The following CNTN6 variants were observed in gnomAD, a reference collection of about 807,000 sequenced individuals.
CNTN6 encodes contactin-6.
In CNTN6, 137 loss-of-function variants were observed where a neutral mutation model predicts 122.8. That is an observed-to-expected ratio of 1.12 (90% CI 0.97 to 1.29). The LOEUF is 1.29. Among genes scored for constraint, CNTN6 ranks in the 50% most tolerant of loss-of-function variants. The pLI is 0.00. For synonymous variants in CNTN6, 570 were observed against 426.0 expected (o/e 1.34, Z -4.16); for missense variants, 1,634 against 1,223.4 (o/e 1.34, Z -5.01).
chr3:1,388,200 T>C (rs59151782), intron 20 of CNTN6, among the ~76,000 whole-genome samples: 17,555 of 142,534 alleles, frequency 0.12, 1,860 homozygotes, highest in Non-Finnish European at 0.15. Flanking sequence ...TCTCCCAGCA[T>C]GCAGCTGGAG....
At chr3:1,129,338 A>G (rs564940983) in intron 1 of CNTN6, among the ~76,000 whole-genome samples, 63 of 152,166 alleles carry the variant, frequency 4.1e-4, no homozygotes, top group African/African-American at 1.3e-3. Flanking sequence ...AAAGTATTGC[A>G]TCTGGGTAAT....
At chr3:1,218,645 G>T (rs935346194) in intron 2 of CNTN6, among the ~76,000 whole-genome samples, 3 of 152,110 alleles carry the variant, frequency 2.0e-5, no homozygotes, top group Non-Finnish European at 4.4e-5. Context: ...TGGGCACCAG[G>T]GTTCTCACAG....
chr3:1,368,268 C>T (rs955925276), intron 12 of CNTN6, among the ~76,000 whole-genome samples: 1 of 152,138 alleles, frequency 6.6e-6, no homozygotes, highest in African/African-American at 2.4e-5. Context: ...CCACAAGTTA[C>T]AGTGTATGTC....
At chr3:1,350,034 G>T (rs1559893380) in intron 11 of CNTN6, among the ~76,000 whole-genome samples, 2 of 151,774 alleles carry the variant, frequency 1.3e-5, no homozygotes, top group Non-Finnish European at 2.9e-5. Flanking sequence ...TAAAATGTAT[G>T]TTATTATTCT....
At chr3:1,211,208 T>A (rs1221261011) in intron 2 of CNTN6, among the ~76,000 whole-genome samples, 2 of 152,206 alleles carry the variant, frequency 1.3e-5, no homozygotes, top group African/African-American at 4.8e-5. Flanking sequence ...CACAGAAAGA[T>A]CTCAGGTACT....
chr3:1,241,200 G>A (rs1211355501), intron 4 of CNTN6, among the ~76,000 whole-genome samples: 1 of 152,098 alleles, frequency 6.6e-6, no homozygotes, highest in Non-Finnish European at 1.5e-5. Context: ...CAAGTTACAG[G>A]GGATGCGATG....
chr3:1,239,637 T>C (rs979773658), intron 4 of CNTN6, among the ~76,000 whole-genome samples: 2 of 152,160 alleles, frequency 1.3e-5, no homozygotes, highest in Non-Finnish European at 2.9e-5. Context: ...CCCATCAAGA[T>C]AGCACCATCA....
At chr3:1,177,212 T>G (rs766809229) in intron 2 of CNTN6, among the ~76,000 whole-genome samples, 1 of 152,168 alleles carries the variant, frequency 6.6e-6, no homozygotes. Context: ...GTAAACACAA[T>G]GTTGGTTTGA....
chr3:1,157,366 T>C (rs2092998426), intron 2 of CNTN6, among the ~76,000 whole-genome samples: 1 of 152,044 alleles, frequency 6.6e-6, no homozygotes, highest in African/African-American at 2.4e-5. Context: ...TACAGGCATG[T>C]GCCACCACAC....
intron 5 of CNTN6, among the ~76,000 whole-genome samples, chr3:1,280,722 C>T (rs1310409046): frequency 1.3e-5 from 2 of 151,944 alleles, no homozygotes; most frequent in African/African-American, 4.8e-5. Flanking sequence ...ACCTCGGCCT[C>T]CCAAAGTGCT....
At chr3:1,228,387 C>A (rs188143706) in intron 4 of CNTN6, among the ~76,000 whole-genome samples, 1 of 151,944 alleles carries the variant, frequency 6.6e-6, no homozygotes, top group Non-Finnish European at 1.5e-5. Context: ...GGGAGGTGGG[C>A]GTTCTCCCAA....
chr3:1,241,910 A>G (rs2094490800), intron 4 of CNTN6, among the ~76,000 whole-genome samples: 1 of 152,240 alleles, frequency 6.6e-6, no homozygotes, highest in South Asian at 2.1e-4. Context: ...CATGAGGGCT[A>G]GGCTAAAACA....
intron 12 of CNTN6, among the ~76,000 whole-genome samples, chr3:1,369,746 A>G (rs985842755): frequency 2.0e-4 from 30 of 152,090 alleles, no homozygotes; most frequent in African/African-American, 6.8e-4. Flanking sequence ...TTATCCTCCT[A>G]TAAATGTAAA....
In CNTN6 at chr3:1,327,480, G is replaced by A; in HGVS notation, c.1107G>A (p.Gly369=). The A allele has an allele frequency of 6.2e-7, 1 of 1,610,170 alleles. No individual in the cohort carries two copies. The highest frequency in any genetic ancestry group is 8.5e-7 in the Non-Finnish European group (1 of 1,177,676). ...AGGAGAGAATTCAAATAGAAAATGG[G>A]ACACTCATCATAACGATGCTGAATG... ...NPEERIQIEN[G]TLIITMLNVS... The change falls in exon 10 of 23, where the codon GGG becomes GGA. Residue 369 remains glycine (G), a synonymous_variant. Transcript: ENST00000446702.
intron 7 of CNTN6, among the ~76,000 whole-genome samples, chr3:1,315,829 G>A (rs1023762084): frequency 6.6e-6 from 1 of 151,842 alleles, no homozygotes; most frequent in Non-Finnish European, 1.5e-5. Flanking sequence ...CTCCATAGCA[G>A]CTAGGACATT....
intron 7 of CNTN6, among the ~76,000 whole-genome samples, chr3:1,298,740 C>T (rs1051869586): frequency 2.0e-5 from 3 of 152,090 alleles, no homozygotes; most frequent in African/African-American, 7.2e-5. Context: ...TGGTTAAATT[C>T]ATATTCTGAC....
chr3:1,166,108 G>T lies in CNTN6; in HGVS notation c.55+18045G>T, dbSNP rs73818459. Among the ~76,000 whole-genome samples the T allele has an allele frequency of 1.8e-3, 269 of 152,316 alleles. 1 individual carries two copies. Among genetic ancestry groups the T allele is most frequent in the African/African-American group, 6.3e-3 (262 of 41,556 alleles). On this transcript the variant is annotated intron_variant, in intron 2 of 22. Transcript: ENST00000446702. ...TTTCTCAGTGCGTTGCTTGGATCCTGGCATGCAGGGGCAGCTCATTGGCAT... is the reference window on the plus strand; with the variant it reads ...TTTCTCAGTGCGTTGCTTGGATCCTTGCATGCAGGGGCAGCTCATTGGCAT...
At chr3:1,275,336 G>C (rs966608799) in intron 4 of CNTN6, among the ~76,000 whole-genome samples, 1 of 152,044 alleles carries the variant, frequency 6.6e-6, no homozygotes, top group Admixed American at 6.6e-5. Flanking sequence ...TCCACTTCTC[G>C]ATTCATATTG....
At chr3:1,320,543 T>C (rs1465497922) in intron 7 of CNTN6, among the ~76,000 whole-genome samples, 1 of 151,726 alleles carries the variant, frequency 6.6e-6, no homozygotes, top group African/African-American at 2.4e-5. Context: ...CTGCCTCTTC[T>C]TCAAGGTTTA....
Sources: allele counts gnomAD v4.1 joint callset (sites outside exome capture counted in the v4.1 genomes callset), GRCh38; gene constraint gnomAD v4.1.1; transcripts MANE v1.5; gene names NCBI Gene and HGNC (gene_info 2026-07-23, HGNC 2026-07-21).